The following TNFRSF13B variants were observed in gnomAD, a reference collection of about 807,000 sequenced individuals.
TNFRSF13B encodes the protein TNF receptor superfamily member 13B.
A neutral mutation model predicts 24.0 loss-of-function variants in TNFRSF13B; 34 were observed. The ratio of observed to expected loss-of-function variants is 1.41; its 90% CI spans 1.08 to 1.88. The LOEUF (loss-of-function observed/expected upper bound fraction) is 1.88, where lower values mean the gene tolerates loss of function less well. TNFRSF13B is among the 40% of genes most tolerant of loss of function. The pLI is 0.00. For missense variants in TNFRSF13B, 415 were observed against 380.8 expected (o/e 1.09, Z -0.75); for synonymous variants, 173 against 150.3 (o/e 1.15, Z -1.10).
chr17:16,959,190 A>C (rs1367771011), intron 1 of TNFRSF13B, among the ~76,000 whole-genome samples: 1 of 152,094 alleles, frequency 6.6e-6, no homozygotes, highest in Non-Finnish European at 1.5e-5. Context: ...AAAATTCACA[A>C]ATATGTGTAA....
chr17:16,950,151 T>C (rs2143658943), intron 2 of TNFRSF13B, among the ~76,000 whole-genome samples: 1 of 152,336 alleles, frequency 6.6e-6, no homozygotes, highest in East Asian at 1.9e-4. Context: ...CACATATATT[T>C]TAAGGACACA....
At chr17:16,944,316 C>T (rs2087532475) in intron 3 of TNFRSF13B, among the ~76,000 whole-genome samples, 1 of 152,160 alleles carries the variant, frequency 6.6e-6, no homozygotes, top group African/African-American at 2.4e-5. Flanking sequence ...AACATAGTTG[C>T]TTTTTGAATG....
chr17:16,971,389 AG>A (rs2087743835), intron 1 of TNFRSF13B, among the ~76,000 whole-genome samples: 2 of 152,040 alleles, frequency 1.3e-5, no homozygotes, highest in South Asian at 4.1e-4. Context: ...ACAAAAAAAA[AG>A]AAAGCTATAG....
chr17:16,965,874 G>A (rs866584907), intron 1 of TNFRSF13B, among the ~76,000 whole-genome samples: 1 of 152,168 alleles, frequency 6.6e-6, no homozygotes, highest in African/African-American at 2.4e-5. Context: ...CATCATCAAA[G>A]TGTGAAAGGT....
chr17:16,950,024 T>G (rs2087577970), intron 2 of TNFRSF13B, among the ~76,000 whole-genome samples: 1 of 152,208 alleles, frequency 6.6e-6, no homozygotes, highest in Non-Finnish European at 1.5e-5. Flanking sequence ...AGTTTTTACG[T>G]GAAAAAGGCA....
At chr17:16,946,596 A>ATTTTT (rs869159793) in intron 3 of TNFRSF13B, among the ~76,000 whole-genome samples, 1 of 136,220 alleles carries the variant, frequency 7.3e-6, no homozygotes, top group Admixed American at 7.3e-5. Flanking sequence ...TTATTTATTT[A>ATTTTT]TTTTTTTTTG....
chr17:16,963,843 C>T (rs1435898497), intron 1 of TNFRSF13B, among the ~76,000 whole-genome samples: 2 of 152,232 alleles, frequency 1.3e-5, no homozygotes, highest in Non-Finnish European at 2.9e-5. Flanking sequence ...AGCCACAGAG[C>T]CCGGCCTTTC....
intron 3 of TNFRSF13B, among the ~76,000 whole-genome samples, chr17:16,943,926 G>A (rs775888848): frequency 9.2e-5 from 14 of 152,118 alleles, no homozygotes; most frequent in Non-Finnish European, 1.8e-4. Flanking sequence ...TCCTCGCGTC[G>A]GCCTGGAGTC....
Position 16,940,685 on chromosome 17 carries a change from T to C in TNFRSF13B, c.446-174A>G, listed in dbSNP as rs943329221. ...GATGCTCTCTGGATCCTGGAGGAAG[T>C]TGATCCACTCCCCCATCCTGGCAGC... On this transcript the variant is annotated intron_variant, in intron 3 of 4. Coordinates refer to ENST00000261652, the MANE Select transcript of TNFRSF13B (RefSeq NM_012452.3). 9 of 1,470,860 alleles carry C rather than the reference T, an allele frequency of 6.1e-6. No individual in the cohort carries two copies. The South Asian group carries it at 6.8e-5, about 11-fold the overall frequency. The allele number at this position is 1,470,860 out of a possible 1,614,324, so 91.1% of individuals were successfully genotyped here.
chr17:16,962,884 G>A (rs973794932), intron 1 of TNFRSF13B, among the ~76,000 whole-genome samples: 1 of 152,216 alleles, frequency 6.6e-6, no homozygotes, highest in Non-Finnish European at 1.5e-5. Context: ...CATGCATGCA[G>A]ATAGTGACGT....
chr17:16,968,547 A>C (rs2087721527), intron 1 of TNFRSF13B, among the ~76,000 whole-genome samples: 1 of 152,252 alleles, frequency 6.6e-6, no homozygotes, highest in Non-Finnish European at 1.5e-5. Flanking sequence ...CTCACACCAC[A>C]CACAAACATT....
rs550325714 is a variant in TNFRSF13B at position 16,960,745 on chromosome 17, A to G, written c.62-8162T>C. 5.0e-4 allele frequency among the ~76,000 whole-genome samples: 76 copies of G among 152,366 alleles called. No homozygotes were observed. The South Asian group carries it at 0.016, about 32-fold the overall frequency. ...ATAGGCAATGAAAGGAAAAAATTAG[A>G]TAAATTGGACTTCATCAAAATTTAA... On this transcript the variant is annotated intron_variant, in intron 1 of 4. Transcript: ENST00000261652.
At position 16,952,542 on chromosome 17, in the gene TNFRSF13B, G is replaced by T. The variant is rs753500225; in HGVS notation, c.103C>A (p.Pro35Thr). 1 of 1,614,178 alleles carries T rather than the reference G, an allele frequency of 6.2e-7. No homozygotes were observed. The highest frequency in any genetic ancestry group is 8.5e-7 in the Non-Finnish European group (1 of 1,180,022). Residue 35 changes from proline to threonine, a missense_variant, in exon 2 of 5, where the codon CCC becomes ACC. By Grantham distance (38) the Pro-to-Thr change is conservative. Transcript: ENST00000261652. ...AGAGGATCCCAGTACTGCTCTTCGGGGCAGGATCTCATAGCCACCCCCGTC... is the reference window on the plus strand; with the variant it reads ...AGAGGATCCCAGTACTGCTCTTCGGTGCAGGATCTCATAGCCACCCCCGTC... The part of the protein sequence containing the change: ...LWTGVAMRSC[P>T]EEQYWDPLLG...
chr17:16,942,499 C>T (rs2087518522), intron 3 of TNFRSF13B, among the ~76,000 whole-genome samples: 1 of 152,188 alleles, frequency 6.6e-6, no homozygotes, highest in Non-Finnish European at 1.5e-5. Context: ...GGCTGTCCTT[C>T]TGTCCAGTGC....
chr17:16,941,103 G>A (rs1363644311), intron 3 of TNFRSF13B: 5 of 596,186 alleles, frequency 8.4e-6, no homozygotes, highest in Non-Finnish European at 1.1e-5. Context: ...ATGTAGAAGG[G>A]TGTTATACTG....
chr17:16,967,580 A>G (rs2087710771), intron 1 of TNFRSF13B, among the ~76,000 whole-genome samples: 3 of 151,198 alleles, frequency 2.0e-5, no homozygotes, highest in Admixed American at 1.3e-4. Context: ...CCCCGTCTCT[A>G]CTAAAAATAT....
In TNFRSF13B at chr17:16,940,487, G is replaced by T. The variant is rs1321424591; in HGVS notation, c.470C>A (p.Ala157Glu). 6.2e-7 allele frequency: 1 copy of T among 1,613,494 alleles called. No homozygotes were observed. The highest frequency in any genetic ancestry group is 1.3e-5 in the African/African-American group (1 of 74,882). The change falls in exon 4 of 5, where the codon GCA (alanine) becomes GAA (glutamate). Residue 157 changes from alanine to glutamate, a missense_variant. Transcript: ENST00000261652. ...SPALPGLKLSADQVALVYSTL... is the reference protein window; with the variant it reads ...SPALPGLKLSEDQVALVYSTL... ...GCTGTAGACCAGGGCCACCTGATCT[G>T]CACTCAGCTTCAGCCCCGGGAGAGC...
At chr17:16,951,294 T>C (rs1022987173) in intron 2 of TNFRSF13B, among the ~76,000 whole-genome samples, 1 of 152,198 alleles carries the variant, frequency 6.6e-6, no homozygotes, top group African/African-American at 2.4e-5. Context: ...AAGTCAGACA[T>C]GGTTCCCCTG....
intron 3 of TNFRSF13B, 32 bp from the exon 4 acceptor site, chr17:16,940,543 TGCCTTCTTCTCTTCCC>T: frequency 1.2e-6 from 2 of 1,606,092 alleles, no homozygotes; most frequent in Non-Finnish European, 1.7e-6. Context: ...CTCTCTGCAG[TGCCTTCTTCTCTTCCC>T]GTCATTAGGC....
Sources: allele counts gnomAD v4.1 joint callset (sites outside exome capture counted in the v4.1 genomes callset), GRCh38; gene constraint gnomAD v4.1.1; transcripts MANE v1.5; gene names NCBI Gene and HGNC (gene_info 2026-07-23, HGNC 2026-07-21).